The following NFATC1 variants were observed in gnomAD, a reference collection of about 807,000 sequenced individuals.
The protein encoded by NFATC1 is nuclear factor of activated T cells 1.
A neutral mutation model predicts 76.0 loss-of-function variants in NFATC1; 22 were observed. The ratio of observed to expected loss-of-function variants is 0.29; its 90% CI spans 0.21 to 0.41. NFATC1 has a LOEUF of 0.41. Ranked by LOEUF, NFATC1 falls within the 10% of genes least tolerant of loss-of-function variation. The probability of loss-of-function intolerance (pLI) is 1.00; values close to 1 mark genes in which losing one functional copy is unlikely to be tolerated. For synonymous variants in NFATC1, 704 were observed against 613.1 expected (o/e 1.15, Z -2.19); for missense variants, 1,357 against 1,337.7 (o/e 1.01, Z -0.23).
At chr18:79,499,214 G>T (rs926271289) in intron 9 of NFATC1, among the ~76,000 whole-genome samples, 1 of 152,224 alleles carries the variant, frequency 6.6e-6, no homozygotes, top group African/African-American at 2.4e-5. Context: ...GGAAGGGGTG[G>T]GGAAGGAAGT....
chr18:79,417,119 T>TGGGAGATGGGCTGTGGC (rs879544199), intron 2 of NFATC1, among the ~76,000 whole-genome samples: 3 of 130,306 alleles, frequency 2.3e-5, no homozygotes, highest in East Asian at 2.1e-4. Context: ...TGGGCTATGG[T>TGGGAGATGGGCTGTGGC]GGGAGATGGG....
intron 2 of NFATC1, among the ~76,000 whole-genome samples, chr18:79,423,181 G>A (rs747838025): frequency 1.1e-4 from 17 of 152,132 alleles, no homozygotes; most frequent in Non-Finnish European, 1.6e-4. Context: ...CTCCAATCCC[G>A]TGTGGTGGAG....
Position 79,489,248 on chromosome 18 carries a change from C to T in NFATC1, c.2782+2311C>T, listed in dbSNP as rs2089608147. Among the ~76,000 whole-genome samples, 3 of 152,206 alleles carry T rather than the reference C, an allele frequency of 2.0e-5. No individual in the cohort carries two copies. In the South Asian group the frequency reaches 6.2e-4, roughly 31 times the overall value. On this transcript the variant is annotated intron_variant, in intron 9 of 9. Transcript: ENST00000427363. Reference sequence around the variant, plus strand: ...AGCTGCATGGGTGTGGGTGTGACCCCGCCCTGGCCTGCCTGACTGTGCGTG... The same window carrying T: ...AGCTGCATGGGTGTGGGTGTGACCCTGCCCTGGCCTGCCTGACTGTGCGTG...
rs1351294201 is a variant in NFATC1 at position 79,411,360 on chromosome 18, C to T, written c.1085C>T (p.Pro362Leu). ...PVGEDLGSPP[P>L]PADFAPEDYS... is the part of the protein sequence containing the mutation. ...GGGGAGGACCTGGGCAGCCCCCCGC[C>T]CCCGGCCGACTTCGCGCCCGAAGAC... Residue 362 changes from proline (P) to leucine (L), a missense_variant, in exon 2 of 10, where the codon CCC becomes CTC. Coordinates refer to ENST00000427363, the MANE Select transcript of NFATC1 (RefSeq NM_001278669.2). 5 of 1,589,176 alleles carry T rather than the reference C, an allele frequency of 3.1e-6. No individual in the cohort carries two copies. The African/African-American group carries it at 5.4e-5, about 17-fold the overall frequency.
chr18:79,469,897 G>A (rs1434979311), intron 8 of NFATC1: 1 of 985,294 alleles, frequency 1.0e-6, no homozygotes, highest in Non-Finnish European at 1.2e-6. Context: ...ACCAGACTGT[G>A]AGCCCCTCAG....
At position 79,473,815 on chromosome 18, in the gene NFATC1, TGAC is replaced by T. The variant is rs569757157; in HGVS notation, c.2092+6235_2092+6237del. Among the ~76,000 whole-genome samples, 569 of 126,672 alleles carry T rather than the reference TGAC, an allele frequency of 4.5e-3. 2 individuals carry two copies. The highest frequency in any genetic ancestry group is 0.016 in the African/African-American group (518 of 33,050). The allele number at this position is 126,672 out of a possible 152,430, so 83.1% of individuals were successfully genotyped here. On this transcript the variant is annotated intron_variant, in intron 8 of 9. Transcript: ENST00000427363. Reference sequence around the variant, plus strand: ...GGAAGCGTGTTCTCACGCTCACTGTTGACGTAAACCTGAGGGAAGTGTGTTCTC... The same window carrying T: ...GGAAGCGTGTTCTCACGCTCACTGTTGTAAACCTGAGGGAAGTGTGTTCTC...
At chr18:79,445,577 A>G (rs8096748) in intron 3 of NFATC1, among the ~76,000 whole-genome samples, 21,233 of 152,228 alleles carry the variant, frequency 0.14, 2,177 homozygotes, top group African/African-American at 0.28. Flanking sequence ...CAATCTCTCA[A>G]ATTAATCCAG....
rs753856744 is a variant in NFATC1 at position 79,486,980 on chromosome 18, CA to C, written c.2782+44del. On this transcript the variant is annotated intron_variant, in intron 9 of 9. Transcript: ENST00000427363. ...TGCAGGTGTGTGCCCCGCCTGGCGC[CA>C]TGGCGTGAGCTCATGGAGGGGCCGT... The C allele has an allele frequency of 1.9e-6, 3 of 1,539,802 alleles. No individual in the cohort carries two copies. The South Asian group carries it at 3.8e-5, about 19-fold the overall frequency.
intron 3 of NFATC1, chr18:79,448,215 GCTCAGCCA>G (rs1377458625): frequency 6.3e-6 from 1 of 157,640 alleles, no homozygotes; most frequent in Non-Finnish European, 1.4e-5. Context: ...GACACTAGCT[GCTCAGCCA>G]CCAGGACGGC....
chr18:79,420,563 T>A (rs2148237749), intron 2 of NFATC1, among the ~76,000 whole-genome samples: 1 of 143,048 alleles, frequency 7.0e-6, no homozygotes, highest in South Asian at 2.3e-4. Context: ...CGTTTCCAGG[T>A]GACATCGCTA....
chr18:79,402,924 A>G (rs1177523890), intron 1 of NFATC1, among the ~76,000 whole-genome samples: 1 of 152,278 alleles, frequency 6.6e-6, no homozygotes, highest in East Asian at 1.9e-4. Context: ...AAATGAATAC[A>G]TGAATAAGTC....
intron 9 of NFATC1, among the ~76,000 whole-genome samples, chr18:79,508,547 C>G (rs1016422517): frequency 2.0e-5 from 3 of 152,098 alleles, no homozygotes; most frequent in East Asian, 1.9e-4. Flanking sequence ...AAAATGTGCT[C>G]GAAGGCTCAT....
At chr18:79,497,972 A>G (rs1035949916) in intron 9 of NFATC1, 1 of 150,320 alleles carries the variant, frequency 6.7e-6, no homozygotes, top group Admixed American at 6.7e-5. Context: ...GGAATACAGC[A>G]TCTAGATAAT....
intron 3 of NFATC1, 105 bp from the exon 4 acceptor site, chr18:79,448,677 G>T (rs1312184551): frequency 3.8e-6 from 4 of 1,060,112 alleles, no homozygotes; most frequent in Non-Finnish European, 5.6e-6. Flanking sequence ...GGGCAGGGCA[G>T]GGGGACACAG....
At chr18:79,522,052 AG>A (rs1318094551) in intron 9 of NFATC1, among the ~76,000 whole-genome samples, 1 of 21,544 alleles carries the variant, frequency 4.6e-5, no homozygotes, top group Non-Finnish European at 8.2e-5. Context: ...GTGTGTGGGG[AG>A]GGGGCGTCCA....
At chr18:79,409,253 T>A (rs968121148) in intron 1 of NFATC1, among the ~76,000 whole-genome samples, 10 of 148,646 alleles carry the variant, frequency 6.7e-5, no homozygotes, top group Non-Finnish European at 1.3e-4. Context: ...TATTCCTCCA[T>A]TCCCTATCCA....
intron 9 of NFATC1, among the ~76,000 whole-genome samples, chr18:79,519,525 G>A (rs180975925): frequency 6.6e-6 from 1 of 152,186 alleles, no homozygotes; most frequent in East Asian, 1.9e-4. Context: ...GTAGAGATGG[G>A]GGGTGGTCTC....
chr18:79,447,633 A>G (rs146159808), intron 3 of NFATC1, among the ~76,000 whole-genome samples: 4,060 of 152,086 alleles, frequency 0.027, 95 homozygotes, highest in Admixed American at 0.065. Context: ...AAGGGAAGGC[A>G]CTCTGAACGA....
At chr18:79,405,673 C>T (rs1015836841) in intron 1 of NFATC1, among the ~76,000 whole-genome samples, 38 of 152,178 alleles carry the variant, frequency 2.5e-4, no homozygotes, top group African/African-American at 5.1e-4. Flanking sequence ...AGGACCTGGG[C>T]GAGGGATCCT....
Sources: gnomAD v4.1 joint callset for allele counts (sites outside exome capture counted in the v4.1 genomes callset) on GRCh38, gnomAD v4.1.1 for gene constraint, MANE v1.5 for transcripts, NCBI Gene and HGNC (gene_info 2026-07-23, HGNC 2026-07-21) for gene names.